The following PPARGC1A variants were observed in gnomAD, a reference collection of about 807,000 sequenced individuals.
PPARGC1A encodes the protein peroxisome proliferator-activated receptor gamma coactivator 1-alpha.
In PPARGC1A, 25 loss-of-function variants were observed where a neutral mutation model predicts 88.7. That is an observed-to-expected ratio of 0.28 (90% CI 0.21 to 0.39). PPARGC1A has a LOEUF of 0.39. Ranked by LOEUF, PPARGC1A falls within the 10% of genes least tolerant of loss-of-function variation. The pLI is 1.00. For missense variants in PPARGC1A, 880 were observed against 968.7 expected, an observed-to-expected ratio of 0.91 and a Z score of 1.22; for synonymous variants, 363 against 355.6, an observed-to-expected ratio of 1.02 and a Z score of -0.24.
intron 2 of PPARGC1A, among the ~76,000 whole-genome samples, chr4:23,875,612 G>C (rs1714537889): frequency 6.6e-6 from 1 of 151,896 alleles, no homozygotes; most frequent in Admixed American, 6.6e-5. Flanking sequence ...TTTGCAGCCT[G>C]TTTGTAAAGC....
At chr4:23,859,256 A>T (rs921356256) in intron 2 of PPARGC1A, among the ~76,000 whole-genome samples, 8 of 152,174 alleles carry the variant, frequency 5.3e-5, no homozygotes, top group Admixed American at 5.2e-4. Context: ...TTAGGCCAAG[A>T]CAAGATTCTT....
At chr4:24,455,545 G>A in the PPARGC1A span, among the ~76,000 whole-genome samples, 1 of 152,240 alleles carries the variant, frequency 6.6e-6, no homozygotes, top group African/African-American at 2.4e-5. Context: ...GAAACAATGA[G>A]TATAACTACT....
the PPARGC1A span, among the ~76,000 whole-genome samples, chr4:24,097,072 C>T: frequency 6.6e-5 from 10 of 152,074 alleles, no homozygotes; most frequent in South Asian, 2.1e-4. Flanking sequence ...CCAGCCTGGG[C>T]GACAGAGTGA....
the PPARGC1A span, among the ~76,000 whole-genome samples, chr4:24,308,783 C>T: frequency 6.6e-6 from 1 of 152,130 alleles, no homozygotes; most frequent in African/African-American, 2.4e-5. Context: ...TTGAAAACTG[C>T]TAGTTTTCAT....
chr4:23,872,914 G>A (rs376315357), intron 2 of PPARGC1A, among the ~76,000 whole-genome samples: 2 of 152,166 alleles, frequency 1.3e-5, no homozygotes, highest in African/African-American at 2.4e-5. Flanking sequence ...AATGTGGGCC[G>A]GGTGCAGTGG....
chr4:23,909,743 G>C, the PPARGC1A span, among the ~76,000 whole-genome samples: 1 of 151,782 alleles, frequency 6.6e-6, no homozygotes, highest in Admixed American at 6.6e-5. Context: ...ATAAAATAGA[G>C]ATGAAACCAC....
At chr4:23,882,304 T>G (rs1327559716) in intron 2 of PPARGC1A, among the ~76,000 whole-genome samples, 3 of 152,204 alleles carry the variant, frequency 2.0e-5, no homozygotes, top group Non-Finnish European at 4.4e-5. Context: ...ATTCTTTATA[T>G]CCAGTAGCTT....
the PPARGC1A span, among the ~76,000 whole-genome samples, chr4:24,400,087 A>G: frequency 6.6e-6 from 1 of 152,152 alleles, no homozygotes; most frequent in African/African-American, 2.4e-5. Flanking sequence ...CACCTGGGGG[A>G]GGAATCTCTT....
chr4:24,199,375 A>AAAT, the PPARGC1A span, among the ~76,000 whole-genome samples: 1 of 152,122 alleles, frequency 6.6e-6, no homozygotes, highest in African/African-American at 2.4e-5. Context: ...CAGCCACAGA[A>AAAT]AATAATAATA....
chr4:24,282,507 A>G, the PPARGC1A span, among the ~76,000 whole-genome samples: 1 of 152,250 alleles, frequency 6.6e-6, no homozygotes, highest in African/African-American at 2.4e-5. Flanking sequence ...CTCTGATTTC[A>G]TAGGAACCTG....
At chr4:24,129,737 C>G in the PPARGC1A span, among the ~76,000 whole-genome samples, 3 of 152,098 alleles carry the variant, frequency 2.0e-5, no homozygotes, top group Admixed American at 1.3e-4. Context: ...CAAAGACTTG[C>G]AACCAACCCA....
chr4:23,843,367 A>C (rs935760952), intron 2 of PPARGC1A, among the ~76,000 whole-genome samples: 1 of 152,110 alleles, frequency 6.6e-6, no homozygotes, highest in South Asian at 2.1e-4. Context: ...TACATCACTT[A>C]CAAGGTGTGT....
At chr4:24,369,252 G>A in the PPARGC1A span, among the ~76,000 whole-genome samples, 1 of 152,076 alleles carries the variant, frequency 6.6e-6, no homozygotes, top group Non-Finnish European at 1.5e-5. Flanking sequence ...ACATAGCTAA[G>A]AAGCCATCAC....
chr4:24,304,601 T>C, the PPARGC1A span, among the ~76,000 whole-genome samples: 1 of 152,142 alleles, frequency 6.6e-6, no homozygotes, highest in African/African-American at 2.4e-5. Flanking sequence ...TGTAACCACC[T>C]CTCCATCAGA....
At chr4:24,204,926 C>G in the PPARGC1A span, among the ~76,000 whole-genome samples, 1 of 152,126 alleles carries the variant, frequency 6.6e-6, no homozygotes, top group Non-Finnish European at 1.5e-5. Context: ...CGGGTCCAAG[C>G]AATTCTCAGT....
intron 7 of PPARGC1A, among the ~76,000 whole-genome samples, chr4:23,816,838 A>G (rs1164718788): frequency 6.6e-6 from 1 of 152,204 alleles, no homozygotes; most frequent in Non-Finnish European, 1.5e-5. Context: ...AATGTGAATT[A>G]TGTCTTGTCT....
chr4:24,401,015 C>CTTTTT, the PPARGC1A span, among the ~76,000 whole-genome samples: 107 of 99,824 alleles, frequency 1.1e-3, 4 homozygotes, highest in Middle Eastern at 0.013. Flanking sequence ...CCTGAATTTT[C>CTTTTT]TTTTTTTTTT....
At chr4:23,964,329 GTAT>G in the PPARGC1A span, among the ~76,000 whole-genome samples, 1 of 152,132 alleles carries the variant, frequency 6.6e-6, no homozygotes, top group Non-Finnish European at 1.5e-5. Context: ...ATAGCAACTA[GTAT>G]TAATTATGAA....
the PPARGC1A span, among the ~76,000 whole-genome samples, chr4:24,061,387 G>A: frequency 1.3e-5 from 2 of 152,172 alleles, no homozygotes; most frequent in African/African-American, 4.8e-5. Flanking sequence ...GAAGGAGAAC[G>A]CTAAGAAAGC....
Sources: gnomAD v4.1 joint callset for allele counts (sites outside exome capture counted in the v4.1 genomes callset) on GRCh38, gnomAD v4.1.1 for gene constraint, MANE v1.5 for transcripts, NCBI Gene and HGNC (gene_info 2026-07-23, HGNC 2026-07-21) for gene names.